OSBPL1A: variants seen among roughly 807,000 people sequenced by gnomAD.
OSBPL1A encodes the protein oxysterol-binding protein-related protein 1.
OSBPL1A carries 80 observed loss-of-function variants against 137.1 expected under a neutral mutation model. The observed-to-expected ratio is 0.58, with a 90% CI of 0.49 to 0.70. OSBPL1A has a LOEUF of 0.70. OSBPL1A is among the 30% of genes least tolerant of loss of function. The pLI, the probability that OSBPL1A is intolerant of heterozygous loss-of-function variation, is 0.00. For missense variants in OSBPL1A, 970 were observed against 1,129.4 expected (o/e 0.86, Z 2.02); for synonymous variants, 365 against 389.7 (o/e 0.94, Z 0.75).
Position 24,332,932 on chromosome 18 carries a change from A to G in OSBPL1A, c.625+10T>C. ...AAATGGCCAACGATGGTTTTCACCA[A>G]TATGCTTACCATTTTTGTTCTTCAG... On this transcript the variant is annotated intron_variant, in intron 7 of 27. Transcript: ENST00000319481. 1.9e-6 allele frequency: 3 copies of G among 1,613,178 alleles called. No individual in the cohort carries two copies. Among genetic ancestry groups the G allele is most frequent in the Non-Finnish European group, 2.5e-6 (3 of 1,179,704 alleles).
chr18:24,311,130 A>G lies in OSBPL1A; in HGVS notation c.1092+854T>C, dbSNP rs574127438. ...CATCATAAATTAAGATTAGGGATTG[A>G]AAGAGTCAAAATACCTTTTATATTT... On this transcript the variant is annotated intron_variant, in intron 13 of 27. Transcript: ENST00000319481. 1.4e-4 allele frequency among the ~76,000 whole-genome samples: 19 copies of G among 135,304 alleles called. 1 individual carries two copies. In the East Asian group the frequency reaches 3.7e-3, roughly 26 times the overall value. The allele number at this position is 135,304 out of a possible 152,430, so 88.8% of individuals were successfully genotyped here. A position where few individuals can be genotyped will look rare whatever the true frequency, so the allele number is the denominator to read the frequency against.
chr18:24,318,395 C>T (rs967872517), intron 9 of OSBPL1A, among the ~76,000 whole-genome samples: 2 of 151,820 alleles, frequency 1.3e-5, no homozygotes, highest in African/African-American at 2.4e-5. Flanking sequence ...AGTGAGTATA[C>T]CACTGCACTC....
chr18:24,170,743 C>A, intron 23 of OSBPL1A: 1 of 307,342 alleles, frequency 3.3e-6, no homozygotes, highest in Non-Finnish European at 6.1e-6. Context: ...ACCTCCTGGG[C>A]TCAAGGGTTC....
chr18:24,369,062 A>T (rs879600074), intron 2 of OSBPL1A, among the ~76,000 whole-genome samples: 1 of 152,160 alleles, frequency 6.6e-6, no homozygotes, highest in Non-Finnish European at 1.5e-5. Context: ...GAGTCAATTA[A>T]GTCTCTTTTC....
At chr18:24,198,076 C>A (rs1021398027) in intron 17 of OSBPL1A, among the ~76,000 whole-genome samples, 8 of 152,140 alleles carry the variant, frequency 5.3e-5, no homozygotes, top group Non-Finnish European at 1.0e-4. Flanking sequence ...GCGTGAGCTA[C>A]CGCGCCCAGC....
chr18:24,292,936 T>C (rs1489144323), intron 14 of OSBPL1A, among the ~76,000 whole-genome samples: 1 of 150,898 alleles, frequency 6.6e-6, no homozygotes, highest in Non-Finnish European at 1.5e-5. Flanking sequence ...AGAAACTCCG[T>C]CTCTACTAAA....
intron 14 of OSBPL1A, among the ~76,000 whole-genome samples, chr18:24,283,560 A>G (rs1310466693): frequency 6.6e-6 from 1 of 152,098 alleles, no homozygotes; most frequent in Non-Finnish European, 1.5e-5. Flanking sequence ...GCTAAATAGC[A>G]AAAGAGACTA....
At chr18:24,397,554 C>T (rs1254280897) in intron 1 of OSBPL1A, 101 bp downstream of exon 1, 1 of 152,214 alleles carries the variant, frequency 6.6e-6, no homozygotes, top group African/African-American at 2.4e-5. Flanking sequence ...CGCCCACCCC[C>T]AACCAGGCGC....
At chr18:24,200,775 C>T (rs1310770661) in intron 17 of OSBPL1A, among the ~76,000 whole-genome samples, 1 of 151,766 alleles carries the variant, frequency 6.6e-6, no homozygotes, top group Non-Finnish European at 1.5e-5. Context: ...AAAAAATAGT[C>T]CACAGTCTAA....
chr18:24,354,909 G>A (rs1262763406), intron 4 of OSBPL1A, among the ~76,000 whole-genome samples: 3 of 152,026 alleles, frequency 2.0e-5, no homozygotes, highest in African/African-American at 7.2e-5. Flanking sequence ...TGCTGAACCT[G>A]CCACTCATTA....
At chr18:24,227,025 G>A (rs1383368844) in intron 16 of OSBPL1A, among the ~76,000 whole-genome samples, 3 of 151,286 alleles carry the variant, frequency 2.0e-5, no homozygotes, top group African/African-American at 7.3e-5. Context: ...CCGAGTAGCT[G>A]GGACTACAGG....
intron 4 of OSBPL1A, among the ~76,000 whole-genome samples, chr18:24,348,488 T>C (rs2091384491): frequency 1.3e-5 from 2 of 152,166 alleles, no homozygotes; most frequent in Non-Finnish European, 2.9e-5. Context: ...AAAAACACCT[T>C]CAGGCCAGGC....
chr18:24,188,109 A>G (rs565606847), intron 18 of OSBPL1A, among the ~76,000 whole-genome samples: 38 of 152,370 alleles, frequency 2.5e-4, no homozygotes, highest in Middle Eastern at 3.4e-3. Context: ...GGACTATCAC[A>G]TACTCATTGA....
chr18:24,368,097 C>T (rs546564878), intron 3 of OSBPL1A, 190 bp downstream of exon 3: 3 of 386,902 alleles, frequency 7.8e-6, no homozygotes, highest in African/African-American at 6.2e-5. Context: ...ATTAAACATA[C>T]AATTTTAATT....
chr18:24,315,754 ATATATAGTATATAT>A (rs2090713616), intron 11 of OSBPL1A, among the ~76,000 whole-genome samples: 1 of 120,660 alleles, frequency 8.3e-6, no homozygotes, highest in African/African-American at 3.3e-5. Flanking sequence ...ATATAATATA[ATATATAGTATATAT>A]TATATAATAA....
At chr18:24,253,984 C>T (rs1309455659) in intron 15 of OSBPL1A, among the ~76,000 whole-genome samples, 2 of 152,158 alleles carry the variant, frequency 1.3e-5, no homozygotes, top group Non-Finnish European at 2.9e-5. Context: ...AAGGCTTTGT[C>T]AGTTTTGTTT....
At chr18:24,345,354 C>T (rs1481585872) in intron 4 of OSBPL1A, among the ~76,000 whole-genome samples, 1 of 152,072 alleles carries the variant, frequency 6.6e-6, no homozygotes, top group East Asian at 1.9e-4. Context: ...CTGGGAGAGC[C>T]AGACTCAGAC....
At position 24,376,093 on chromosome 18, in the gene OSBPL1A, A is replaced by C. The variant is rs947380572; in HGVS notation, c.121+1320T>G. On this transcript the variant is annotated intron_variant, in intron 2 of 27. Coordinates refer to ENST00000319481, the MANE Select transcript of OSBPL1A (RefSeq NM_080597.4). ...TTTATTGCGAAGAGCAAAAGAACAA[A>C]GCTTCCACAGTGTGGAAGGGGACTC... is the stretch of plus-strand genomic sequence containing the variant. Among the ~76,000 whole-genome samples the C allele has an allele frequency of 7.2e-5, 11 of 152,160 alleles. 1 individual carries two copies. Among genetic ancestry groups the C allele is most frequent in the South Asian group, 4.1e-4 (2 of 4,828 alleles).
At chr18:24,178,309 G>T in intron 20 of OSBPL1A, 114 bp from the exon 21 acceptor site, 2 of 1,083,014 alleles carry the variant, frequency 1.8e-6, no homozygotes, top group Admixed American at 2.9e-5. Context: ...TGTTGTTGTT[G>T]TTGAGACAAA....
Sources: gnomAD v4.1 joint callset for allele counts (sites outside exome capture counted in the v4.1 genomes callset) on GRCh38, gnomAD v4.1.1 for gene constraint, MANE v1.5 for transcripts, NCBI Gene and HGNC (gene_info 2026-07-23, HGNC 2026-07-21) for gene names.